The following WWP1 variants were observed in gnomAD, a reference collection of about 807,000 sequenced individuals.
WWP1 encodes the protein NEDD4-like E3 ubiquitin-protein ligase WWP1.
In WWP1, 49 loss-of-function variants were observed where a neutral mutation model predicts 130.6. The ratio of observed to expected loss-of-function variants is 0.38; its 90% CI spans 0.30 to 0.48. The LOEUF (loss-of-function observed/expected upper bound fraction) is 0.48, where lower values mean the gene tolerates loss of function less well. Ranked by LOEUF, WWP1 falls within the 20% of genes least tolerant of loss-of-function variation. The pLI, the probability that WWP1 is intolerant of heterozygous loss-of-function variation, is 0.99. For synonymous variants in WWP1, 332 were observed against 367.8 expected, an observed-to-expected ratio of 0.90 and a Z score of 1.11; for missense variants, 809 against 1,100.6, an observed-to-expected ratio of 0.74 and a Z score of 3.75.
At chr8:86,443,575 G>A (rs1006169094) in intron 18 of WWP1, among the ~76,000 whole-genome samples, 3 of 152,100 alleles carry the variant, frequency 2.0e-5, no homozygotes, top group South Asian at 2.1e-4. Flanking sequence ...GTAATGCCAA[G>A]CACTGTTTTA....
intron 1 of WWP1, among the ~76,000 whole-genome samples, chr8:86,365,520 T>G (rs563782117): frequency 2.0e-5 from 3 of 152,340 alleles, no homozygotes; most frequent in African/African-American, 7.2e-5. Flanking sequence ...CAAGTACTCT[T>G]CAAATCACTG....
At chr8:86,381,420 A>G in intron 4 of WWP1, 85 bp from the exon 5 acceptor site, 1 of 1,468,150 alleles carries the variant, frequency 6.8e-7, no homozygotes, top group Non-Finnish European at 9.1e-7. Context: ...CATTACTGAA[A>G]TAAATGCTTT....
chr8:86,451,764 T>C (rs190406460), intron 20 of WWP1, among the ~76,000 whole-genome samples: 2 of 152,238 alleles, frequency 1.3e-5, no homozygotes, highest in East Asian at 3.9e-4. Flanking sequence ...CTGTATGAGG[T>C]GGTGTATGCT....
Position 86,446,269 on chromosome 8 carries a change from A to G in WWP1, c.1999-1879A>G, listed in dbSNP as rs376264905. Reference sequence around the variant, plus strand: ...AGTGCTGGGATTACAGGCGTGAGCCACTGCGCCCAGCAGCTGCTTATGTAT... The same window carrying G: ...AGTGCTGGGATTACAGGCGTGAGCCGCTGCGCCCAGCAGCTGCTTATGTAT... On this transcript the variant is annotated intron_variant, in intron 18 of 24. Coordinates refer to ENST00000517970, the MANE Select transcript of WWP1 (RefSeq NM_007013.4). 1.4e-4 allele frequency among the ~76,000 whole-genome samples: 22 copies of G among 152,206 alleles called. 1 individual carries two copies. The East Asian group carries it at 3.7e-3, about 25-fold the overall frequency.
Position 86,366,820 on chromosome 8 carries a change from G to C in WWP1, c.-114-2119G>C, listed in dbSNP as rs955442894. 2.0e-5 allele frequency among the ~76,000 whole-genome samples: 3 copies of C among 151,940 alleles called. No homozygotes were observed. The East Asian group carries it at 5.8e-4, about 29-fold the overall frequency. Reference sequence around the variant, plus strand: ...ACTGGGACGAGTTGGTCACCCTCCTGTTTACTCTTTCATTTTATAAATTCA... The same window carrying C: ...ACTGGGACGAGTTGGTCACCCTCCTCTTTACTCTTTCATTTTATAAATTCA... On this transcript the variant is annotated intron_variant, in intron 1 of 24. Coordinates refer to ENST00000517970, the MANE Select transcript of WWP1 (RefSeq NM_007013.4).
At chr8:86,366,515 T>C (rs1424181156) in intron 1 of WWP1, among the ~76,000 whole-genome samples, 1 of 152,210 alleles carries the variant, frequency 6.6e-6, no homozygotes, top group African/African-American at 2.4e-5. Flanking sequence ...TCTCCTGACA[T>C]GTAGTTCCAG....
At chr8:86,429,432 TTCA>T (rs1343600862) in intron 11 of WWP1, among the ~76,000 whole-genome samples, 2 of 152,190 alleles carry the variant, frequency 1.3e-5, no homozygotes, top group Admixed American at 1.3e-4. Flanking sequence ...CAAGATTATA[TTCA>T]TCAAGATGCA....
At chr8:86,444,977 A>G (rs1373677942) in intron 18 of WWP1, among the ~76,000 whole-genome samples, 1 of 152,146 alleles carries the variant, frequency 6.6e-6, no homozygotes, top group Non-Finnish European at 1.5e-5. Flanking sequence ...TACAAGAAGC[A>G]TGGTGCCAGC....
rs138118030 is a variant in WWP1 at position 86,343,133 on chromosome 8, C to A, written c.-115+203C>A. ...TCGGGAGTTTTCTGGGGTGGGGTCA[C>A]GGGTCTTGCCCGGAGTTCGCCCTGG... On this transcript the variant is annotated intron_variant, in intron 1 of 24. Coordinates refer to ENST00000517970, the MANE Select transcript of WWP1 (RefSeq NM_007013.4). The A allele has an allele frequency of 6.6e-3, 1,595 of 240,900 alleles. 27 individuals are homozygous for A. The highest frequency in any genetic ancestry group is 0.034 in the African/African-American group (1,495 of 43,950). 14.9% of individuals were successfully genotyped at this position (240,900 alleles called of 1,614,324 possible).
intron 3 of WWP1, among the ~76,000 whole-genome samples, chr8:86,377,325 T>C (rs577790185): frequency 1.3e-5 from 2 of 151,870 alleles, no homozygotes; most frequent in Admixed American, 1.3e-4. Context: ...CTCGAACTCC[T>C]GACCACAGGT....
rs375259397 is a variant in WWP1, at chr8:86,413,710, TCAGCATTTGAGG to T, written c.1061+1842_1061+1853del. Among the ~76,000 whole-genome samples the T allele has an allele frequency of 3.1e-3, 468 of 152,304 alleles. 2 individuals are homozygous for T. Among genetic ancestry groups the T allele is most frequent in the African/African-American group, 0.011 (446 of 41,562 alleles). The stretch of plus-strand genomic sequence containing the variant: ...ATTATTATTTTGTTATAGTTTGAGT[TCAGCATTTGAGG>T]CAGCAAGATATATAATGCTGAAGAG... On this transcript the variant is annotated intron_variant, in intron 9 of 24. Coordinates refer to ENST00000517970, the MANE Select transcript of WWP1 (RefSeq NM_007013.4).
chr8:86,372,834 G>C (rs1824405605), intron 2 of WWP1, among the ~76,000 whole-genome samples: 1 of 151,998 alleles, frequency 6.6e-6, no homozygotes, highest in South Asian at 2.1e-4. Context: ...AAGTAGCTCT[G>C]ACTTTGTTGA....
intron 21 of WWP1, among the ~76,000 whole-genome samples, chr8:86,456,584 C>T (rs1340914522): frequency 6.6e-6 from 1 of 151,884 alleles, no homozygotes; most frequent in African/African-American, 2.4e-5. Flanking sequence ...TTATGGCCTA[C>T]CAGTTCTACT....
intron 17 of WWP1, 91 bp downstream of exon 17, chr8:86,438,764 A>T (rs1202449388): frequency 9.0e-7 from 1 of 1,107,230 alleles, no homozygotes; most frequent in African/African-American, 1.6e-5. Context: ...AATATATTGT[A>T]TTAAATTTTT....
intron 2 of WWP1, among the ~76,000 whole-genome samples, chr8:86,369,610 T>G (rs972386434): frequency 1.3e-5 from 2 of 152,212 alleles, no homozygotes; most frequent in African/African-American, 4.8e-5. Flanking sequence ...TCTTCTCAAA[T>G]AAGTAATCTA....
intron 5 of WWP1, among the ~76,000 whole-genome samples, chr8:86,389,369 T>C (rs961333294): frequency 6.6e-6 from 1 of 152,182 alleles, no homozygotes; most frequent in Non-Finnish European, 1.5e-5. Flanking sequence ...TTAACGAGTA[T>C]GCTGCCTTCA....
chr8:86,418,769 G>A (rs923301156), intron 9 of WWP1, among the ~76,000 whole-genome samples: 1 of 152,138 alleles, frequency 6.6e-6, no homozygotes, highest in Non-Finnish European at 1.5e-5. Context: ...ATCAGCAGAC[G>A]TAAGTGAGCC....
At position 86,398,651 on chromosome 8, in the gene WWP1, A is replaced by G; in HGVS notation, c.539+13A>G. The G allele has an allele frequency of 6.2e-7, 1 of 1,610,948 alleles. No individual in the cohort carries two copies. Among genetic ancestry groups the G allele is most frequent in the Non-Finnish European group, 8.5e-7 (1 of 1,179,098 alleles). Reference sequence around the variant, plus strand: ...GGACAACTGCCAGGTAGAATATTTTATTTGAATATGGGTGGCGACATGATG... The same window carrying G: ...GGACAACTGCCAGGTAGAATATTTTGTTTGAATATGGGTGGCGACATGATG... On this transcript the variant is annotated intron_variant, in intron 7 of 24. Coordinates refer to ENST00000517970, the MANE Select transcript of WWP1 (RefSeq NM_007013.4).
intron 24 of WWP1, among the ~76,000 whole-genome samples, chr8:86,464,474 G>A (rs1428840690): frequency 6.6e-6 from 1 of 151,960 alleles, no homozygotes. Context: ...GTAAATATCA[G>A]TAGCTATAAT....
Sources: gnomAD v4.1 joint callset for allele counts (sites outside exome capture counted in the v4.1 genomes callset) on GRCh38, gnomAD v4.1.1 for gene constraint, MANE v1.5 for transcripts, NCBI Gene and HGNC (gene_info 2026-07-23, HGNC 2026-07-21) for gene names.